Variants in TANGO6 observed in about 807,000 individuals in gnomAD.
TANGO6 encodes transport and golgi organization 6 homolog, also known as transport and Golgi organization protein 6 homolog.
Under a neutral mutation model 114.2 loss-of-function variants are expected in TANGO6, and 90 were observed. The ratio of observed to expected loss-of-function variants is 0.79; its 90% CI spans 0.66 to 0.94. The LOEUF is 0.94. Ranked by LOEUF, TANGO6 falls within the 40% of genes least tolerant of loss-of-function variation. TANGO6 has a pLI of 0.00. For missense variants in TANGO6, 1,274 were observed against 1,315.3 expected, an observed-to-expected ratio of 0.97 and a Z score of 0.49; for synonymous variants, 477 against 509.8, an observed-to-expected ratio of 0.94 and a Z score of 0.87.
intron 7 of TANGO6, among the ~76,000 whole-genome samples, chr16:68,883,975 C>A (rs1315596023): frequency 6.6e-6 from 1 of 151,940 alleles, no homozygotes; most frequent in Non-Finnish European, 1.5e-5. Flanking sequence ...AGTGAGATGA[C>A]CTTGGCTGAC....
chr16:69,068,458 G>A (rs1341776014), intron 17 of TANGO6, among the ~76,000 whole-genome samples: 1 of 152,212 alleles, frequency 6.6e-6, no homozygotes, highest in East Asian at 1.9e-4. Context: ...TAATTGTGTT[G>A]TGGGGATTGA....
chr16:68,866,735 G>A (rs1029794436), intron 3 of TANGO6, among the ~76,000 whole-genome samples: 9 of 152,042 alleles, frequency 5.9e-5, no homozygotes, highest in Admixed American at 1.3e-4. Flanking sequence ...TCAGGAGTTC[G>A]AGACCGGCCT....
At chr16:69,025,552 T>C (rs1202729470) in intron 16 of TANGO6, among the ~76,000 whole-genome samples, 1 of 152,158 alleles carries the variant, frequency 6.6e-6, no homozygotes, top group Non-Finnish European at 1.5e-5. Flanking sequence ...ATATGTAAAA[T>C]AGGTGAAGGG....
At chr16:68,852,880 A>G (rs1326572962) in intron 1 of TANGO6, among the ~76,000 whole-genome samples, 1 of 151,858 alleles carries the variant, frequency 6.6e-6, no homozygotes, top group Non-Finnish European at 1.5e-5. Context: ...TATGGCGAAC[A>G]CCCTTATACA....
chr16:68,998,633 A>C, intron 15 of TANGO6, among the ~76,000 whole-genome samples: 1 of 150,848 alleles, frequency 6.6e-6, no homozygotes, highest in Non-Finnish European at 1.5e-5. Flanking sequence ...TGGGAGGCTG[A>C]GGCAGGAGAA....
Position 69,083,597 on chromosome 16 carries a change from A to T in TANGO6, c.3221A>T (p.Asp1074Val). The T allele has an allele frequency of 6.3e-7, 1 of 1,593,658 alleles. No individual in the cohort carries two copies. Among genetic ancestry groups the T allele is most frequent in the East Asian group, 2.3e-5 (1 of 44,094 alleles). ...HAQLALEELD[D>V]IMKNFLFPPQ... ...CAGTTGGCCCTAGAAGAGCTGGATGACATCATGAAAAACTTCCTGTTCCCT... is the reference window on the plus strand; with the variant it reads ...CAGTTGGCCCTAGAAGAGCTGGATGTCATCATGAAAAACTTCCTGTTCCCT... The change falls in exon 18 of 18, where the codon GAC (aspartate) becomes GTC (valine). Residue 1074 changes from aspartate (D) to valine (V), a missense_variant. Asp to Val is a radical substitution (Grantham distance 152, BLOSUM62 -3). Coordinates refer to ENST00000261778, the MANE Select transcript of TANGO6 (RefSeq NM_024562.2).
At chr16:68,977,115 C>A (rs1453015946) in intron 15 of TANGO6, among the ~76,000 whole-genome samples, 1 of 152,094 alleles carries the variant, frequency 6.6e-6, no homozygotes, top group Non-Finnish European at 1.5e-5. Context: ...CACACTGAAT[C>A]CCTCCTTCAT....
At chr16:69,050,969 C>T (rs1597072492) in intron 17 of TANGO6, among the ~76,000 whole-genome samples, 2 of 151,278 alleles carry the variant, frequency 1.3e-5, no homozygotes, top group Admixed American at 1.3e-4. Flanking sequence ...ATTTCTTTGC[C>T]CATTTTTTAA....
At chr16:68,953,449 A>G (rs1204160007) in intron 14 of TANGO6, among the ~76,000 whole-genome samples, 1 of 152,210 alleles carries the variant, frequency 6.6e-6, no homozygotes, top group African/African-American at 2.4e-5. Flanking sequence ...TGAGAAAAAC[A>G]GTCATGTCTT....
At position 68,915,543 on chromosome 16, in the gene TANGO6, C is replaced by T. The variant is rs536734101; in HGVS notation, c.1993-3542C>T. On this transcript the variant is annotated intron_variant, in intron 11 of 17. Transcript: ENST00000261778. ...GCCTCCCAAAGTATTAGGTTACAGG[C>T]GTTAGCCACTGTGCCCAGCTAAGGA... Among the ~76,000 whole-genome samples the T allele has an allele frequency of 1.2e-4, 19 of 152,326 alleles. No individual in the cohort carries two copies. The East Asian group carries it at 3.3e-3, about 26-fold the overall frequency.
chr16:68,971,735 G>A (rs1963707094), intron 14 of TANGO6, among the ~76,000 whole-genome samples: 1 of 151,598 alleles, frequency 6.6e-6, no homozygotes, highest in African/African-American at 2.4e-5. Context: ...GGGTTCAAGC[G>A]ATTCTCCTGC....
chr16:68,855,858 C>G (rs957016141), intron 1 of TANGO6, among the ~76,000 whole-genome samples: 5 of 149,682 alleles, frequency 3.3e-5, no homozygotes, highest in African/African-American at 1.2e-4. Context: ...GCACTCTAGC[C>G]TTGACAGAGC....
At chr16:68,978,358 T>G (rs1167025710) in intron 15 of TANGO6, among the ~76,000 whole-genome samples, 1 of 152,202 alleles carries the variant, frequency 6.6e-6, no homozygotes, top group Non-Finnish European at 1.5e-5. Context: ...TACATAGTCT[T>G]ATAATTAGCC....
intron 7 of TANGO6, among the ~76,000 whole-genome samples, chr16:68,889,763 T>C (rs1962586542): frequency 6.6e-6 from 1 of 152,216 alleles, no homozygotes; most frequent in Admixed American, 6.5e-5. Flanking sequence ...AAGTTGACTG[T>C]CCATGCAACT....
chr16:68,907,695 T>C, intron 10 of TANGO6, 120 bp downstream of exon 10: 1 of 1,211,214 alleles, frequency 8.3e-7, no homozygotes, highest in Non-Finnish European at 1.1e-6. Context: ...TTAAGGAAAA[T>C]GGTCAGAGGA....
At chr16:68,926,466 C>A (rs932470055) in intron 12 of TANGO6, among the ~76,000 whole-genome samples, 2 of 151,066 alleles carry the variant, frequency 1.3e-5, no homozygotes, top group Non-Finnish European at 3.0e-5. Context: ...TGCACTCCAG[C>A]CTAGGCAGCA....
At chr16:68,874,004 A>G (rs1489615909) in intron 4 of TANGO6, among the ~76,000 whole-genome samples, 1 of 152,236 alleles carries the variant, frequency 6.6e-6, no homozygotes, top group Non-Finnish European at 1.5e-5. Context: ...AGATCCTCCC[A>G]GGCTGGCTGG....
chr16:68,907,844 C>A (rs545236164), intron 10 of TANGO6, among the ~76,000 whole-genome samples: 1 of 152,252 alleles, frequency 6.6e-6, no homozygotes, highest in African/African-American at 2.4e-5. Context: ...AACCCTCGAT[C>A]CATGAAAGGG....
At chr16:68,946,164 A>G (rs539255635) in intron 14 of TANGO6, among the ~76,000 whole-genome samples, 13 of 151,794 alleles carry the variant, frequency 8.6e-5, no homozygotes, top group African/African-American at 2.7e-4. Flanking sequence ...TTTACTTTCA[A>G]TGAAGTCTAA....
Sources: allele counts gnomAD v4.1 joint callset (sites outside exome capture counted in the v4.1 genomes callset), GRCh38; gene constraint gnomAD v4.1.1; transcripts MANE v1.5; gene names NCBI Gene and HGNC (gene_info 2026-07-23, HGNC 2026-07-21).